EPHA7: variants seen among roughly 807,000 people sequenced by gnomAD.
The protein encoded by EPHA7 is ephrin type-A receptor 7.
In EPHA7, 25 loss-of-function variants were observed where a neutral mutation model predicts 112.6. The ratio of observed to expected loss-of-function variants is 0.22; its 90% confidence interval spans 0.16 to 0.31. The LOEUF (loss-of-function observed/expected upper bound fraction) is 0.31, where lower values mean the gene tolerates loss of function less well. Among genes scored for constraint, EPHA7 ranks in the 10% least tolerant of loss-of-function variants. The pLI is 1.00. For synonymous variants in EPHA7, 437 were observed against 406.5 expected (o/e 1.07, Z -0.90); for missense variants, 962 against 1,212.6 (o/e 0.79, Z 3.07).
At chr6:93,390,330 T>A (rs184592390) in intron 3 of EPHA7, among the ~76,000 whole-genome samples, 48 of 151,386 alleles carry the variant, frequency 3.2e-4, no homozygotes, top group African/African-American at 1.1e-3. Context: ...AACTGAATCA[T>A]GAATTGAAAA....
chr6:93,254,577 C>A, intron 14 of EPHA7, 70 bp downstream of exon 14: 1 of 1,314,958 alleles, frequency 7.6e-7, no homozygotes, highest in South Asian at 1.5e-5. Context: ...TGAGCCTTTA[C>A]CTACATGTTC....
intron 3 of EPHA7, among the ~76,000 whole-genome samples, chr6:93,399,803 G>C (rs1023176642): frequency 6.6e-6 from 1 of 151,992 alleles, no homozygotes; most frequent in Non-Finnish European, 1.5e-5. Flanking sequence ...GAAAGAGTAA[G>C]ATGTGACTTA....
intron 5 of EPHA7, among the ~76,000 whole-genome samples, chr6:93,330,229 T>A (rs1210076723): frequency 6.6e-6 from 1 of 151,360 alleles, no homozygotes; most frequent in African/African-American, 2.4e-5. Flanking sequence ...GAATGTGTAA[T>A]GATGAAATTA....
rs147330300 is a variant in EPHA7 at position 93,241,683 on chromosome 6, G to A, written c.*1743C>T. On this transcript the variant is annotated 3_prime_UTR_variant, in exon 17 of 17. Coordinates refer to ENST00000369303, the MANE Select transcript of EPHA7 (RefSeq NM_004440.4). ...AATCCATTTGAGTTTTTCTATAGCC[G>A]TCTTTGGTCCTAAATGTGGGAAAAC... 3.1e-3 allele frequency: 701 copies of A among 223,396 alleles called. 4 individuals carry two copies. Among genetic ancestry groups the A allele is most frequent in the African/African-American group, 0.015 (661 of 44,842 alleles). The allele number at this position is 223,396 out of a possible 1,614,324, so 13.8% of individuals were successfully genotyped here.
intron 7 of EPHA7, among the ~76,000 whole-genome samples, chr6:93,266,860 C>T (rs1402560535): frequency 6.6e-6 from 1 of 151,678 alleles, no homozygotes; most frequent in African/African-American, 2.4e-5. Context: ...TGTTTCTGTG[C>T]CTCCTTAATT....
intron 9 of EPHA7, among the ~76,000 whole-genome samples, chr6:93,262,654 T>C (rs929262498): frequency 6.6e-6 from 1 of 151,314 alleles, no homozygotes; most frequent in Non-Finnish European, 1.5e-5. Context: ...TCATCAGAGG[T>C]TGAGATTCAA....
chr6:93,326,336 C>A (rs1438368732), intron 5 of EPHA7, among the ~76,000 whole-genome samples: 3 of 151,334 alleles, frequency 2.0e-5, no homozygotes, highest in East Asian at 3.9e-4. Flanking sequence ...AAACACTGCA[C>A]AACATTCAGT....
At chr6:93,266,792 G>C (rs906995192) in intron 7 of EPHA7, among the ~76,000 whole-genome samples, 9 of 151,638 alleles carry the variant, frequency 5.9e-5, no homozygotes, top group African/African-American at 2.2e-4. Flanking sequence ...TGTGTGGCCA[G>C]AATCTGTGTA....
At chr6:93,401,597 T>A (rs1778441852) in intron 3 of EPHA7, among the ~76,000 whole-genome samples, 1 of 152,102 alleles carries the variant, frequency 6.6e-6, no homozygotes, top group Non-Finnish European at 1.5e-5. Flanking sequence ...TACTACCAGA[T>A]TAAAAAATAA....
chr6:93,288,841 C>A (rs1248123813), intron 5 of EPHA7, among the ~76,000 whole-genome samples: 1 of 152,120 alleles, frequency 6.6e-6, no homozygotes, highest in Non-Finnish European at 1.5e-5. Context: ...GTGGAATTAG[C>A]AAATATCTTT....
chr6:93,411,186 A>T lies in EPHA7; in HGVS notation c.163-16T>A, dbSNP rs1458531390. On this transcript the variant is annotated splice_polypyrimidine_tract_variant and intron_variant, in intron 2 of 16. Transcript: ENST00000369303. ...TTTCTTCCCACTGTAAAATTTGAAA[A>T]AAGGTCATCAGTCATTCAGCAAAAA... is the stretch of plus-strand genomic sequence containing the variant. The T allele has an allele frequency of 3.1e-6, 5 of 1,593,574 alleles. No homozygotes were observed. The highest frequency in any genetic ancestry group is 1.4e-5 in the African/African-American group (1 of 74,020).
chr6:93,339,251 A>G (rs1775026014), intron 5 of EPHA7, among the ~76,000 whole-genome samples: 1 of 151,766 alleles, frequency 6.6e-6, no homozygotes, highest in Non-Finnish European at 1.5e-5. Flanking sequence ...GGTATTTAAA[A>G]GTGTCAACAT....
intron 3 of EPHA7, among the ~76,000 whole-genome samples, chr6:93,373,784 C>T (rs1393499986): frequency 6.6e-6 from 1 of 150,978 alleles, no homozygotes; most frequent in Non-Finnish European, 1.5e-5. Context: ...TTCGAATAAT[C>T]ACAAGCTTAA....
chr6:93,356,234 G>C (rs1012658639), intron 5 of EPHA7, among the ~76,000 whole-genome samples: 1 of 150,954 alleles, frequency 6.6e-6, no homozygotes, highest in Admixed American at 6.6e-5. Context: ...AGAGACAAGA[G>C]TCTTAGTCTG....
chr6:93,293,998 C>A (rs1051403451), intron 5 of EPHA7, among the ~76,000 whole-genome samples: 1 of 152,102 alleles, frequency 6.6e-6, no homozygotes, highest in Non-Finnish European at 1.5e-5. Flanking sequence ...TTCTTTCTCC[C>A]GCTATTCATC....
intron 3 of EPHA7, among the ~76,000 whole-genome samples, chr6:93,374,956 A>G (rs1776978848): frequency 6.6e-6 from 1 of 152,184 alleles, no homozygotes; most frequent in Non-Finnish European, 1.5e-5. Context: ...CCTCCATAAC[A>G]TACAAAAATT....
At chr6:93,368,911 T>C (rs935267183) in intron 3 of EPHA7, among the ~76,000 whole-genome samples, 6 of 152,062 alleles carry the variant, frequency 3.9e-5, no homozygotes, top group Admixed American at 2.0e-4. Context: ...TTAAGGCAGT[T>C]TGAACATGTG....
chr6:93,378,042 A>G (rs1331227539), intron 3 of EPHA7, among the ~76,000 whole-genome samples: 3 of 55,490 alleles, frequency 5.4e-5, no homozygotes, highest in African/African-American at 2.6e-4. Flanking sequence ...AGATCACTGT[A>G]GAAACATGGA....
At chr6:93,371,482 A>T (rs1776794641) in intron 3 of EPHA7, among the ~76,000 whole-genome samples, 1 of 152,004 alleles carries the variant, frequency 6.6e-6, no homozygotes, top group Non-Finnish European at 1.5e-5. Flanking sequence ...ATCCAAGGGG[A>T]TCCTGTAACT....
Sources: allele counts gnomAD v4.1 joint callset (sites outside exome capture counted in the v4.1 genomes callset), GRCh38; gene constraint gnomAD v4.1.1; transcripts MANE v1.5; gene names NCBI Gene and HGNC (gene_info 2026-07-23, HGNC 2026-07-21).